Variants in MYH11 observed in about 807,000 individuals in gnomAD.
The protein encoded by MYH11 is myosin heavy chain 11, also known as myosin-11.
A neutral mutation model predicts 246.6 loss-of-function variants in MYH11; 80 were observed. The ratio of observed to expected loss-of-function variants is 0.32; its 90% CI spans 0.27 to 0.39. The LOEUF (loss-of-function observed/expected upper bound fraction) is 0.39, where lower values mean the gene tolerates loss of function less well. Among genes scored for constraint, MYH11 ranks in the 10% least tolerant of loss-of-function variants. MYH11 has a pLI of 1.00. For missense variants in MYH11, 2,158 were observed against 2,546.8 expected (o/e 0.85, Z 3.29); for synonymous variants, 1,071 against 1,015.5 (o/e 1.05, Z -1.04).
chr16:15,763,741 T>TGGGCCCCCCCCCCCCCCC, intron 10 of MYH11, 55 bp downstream of exon 10: 6 of 646,846 alleles, frequency 9.3e-6, no homozygotes, highest in Middle Eastern at 2.6e-4. Flanking sequence ...AAATGTCACC[T>TGGGCCCCCCCCCCCCCCC]CCCCCACCCC....
chr16:15,801,928 G>T (rs1380050079), intron 3 of MYH11, among the ~76,000 whole-genome samples: 1 of 152,140 alleles, frequency 6.6e-6, no homozygotes, highest in Non-Finnish European at 1.5e-5. Flanking sequence ...CTACACTCCA[G>T]CCTGGGCAAC....
At chr16:15,720,803 C>T (rs376916158) in intron 33 of MYH11, 36 bp downstream of exon 33, 95 of 1,603,676 alleles carry the variant, frequency 5.9e-5, no homozygotes, top group East Asian at 8.9e-5. Context: ...AAAGGCCACC[C>T]GACCTCCCTC....
chr16:15,778,720 G>A, intron 7 of MYH11, 60 bp downstream of exon 7: 1 of 1,528,536 alleles, frequency 6.5e-7, no homozygotes, highest in Non-Finnish European at 9.1e-7. Context: ...CCCAGCCTCT[G>A]GGCAGGAGAT....
intron 15 of MYH11, among the ~76,000 whole-genome samples, chr16:15,752,139 A>T (rs573070786): frequency 6.6e-6 from 1 of 151,978 alleles, no homozygotes; most frequent in East Asian, 2.0e-4. Context: ...CTCTCCCACA[A>T]GACTGTGGGT....
Position 15,718,455 on chromosome 16 carries a change from C to T in MYH11, c.5172-17G>A, listed in dbSNP as rs1466043456. On this transcript the variant is annotated splice_polypyrimidine_tract_variant and intron_variant, in intron 36 of 40. Coordinates refer to ENST00000300036, the MANE Select transcript of MYH11 (RefSeq NM_002474.3). ...AGTGCGTTCCTGGGGGAAGGGCGGC[C>T]ATGGTGGGGGCCTCTACCCTCCCCC... 1.3e-6 allele frequency: 2 copies of T among 1,546,422 alleles called. No homozygotes were observed. Among genetic ancestry groups the T allele is most frequent in the Non-Finnish European group, 1.7e-6 (2 of 1,149,636 alleles).
In MYH11 at chr16:15,718,457, TG is replaced by T; in HGVS notation, c.5172-20del. ...TGCGTTCCTGGGGGAAGGGCGGCCA[TG>T]GTGGGGGCCTCTACCCTCCCCCGCC... On this transcript the variant is annotated intron_variant, in intron 36 of 40. Transcript: ENST00000300036. 6.5e-7 allele frequency: 1 copy of T among 1,545,300 alleles called. No individual in the cohort carries two copies. Among genetic ancestry groups the T allele is most frequent in the Non-Finnish European group, 8.7e-7 (1 of 1,149,270 alleles).
chr16:15,815,742 A>G (rs1463674601), intron 3 of MYH11, among the ~76,000 whole-genome samples: 1 of 152,204 alleles, frequency 6.6e-6, no homozygotes, highest in Non-Finnish European at 1.5e-5. Context: ...GAATAGGGGT[A>G]CAAAGACAGT....
At chr16:15,833,702 C>A (rs1055882025) in intron 2 of MYH11, among the ~76,000 whole-genome samples, 4 of 152,154 alleles carry the variant, frequency 2.6e-5, no homozygotes, top group Admixed American at 6.5e-5. Context: ...CCTTGCAGAA[C>A]GGAGGAGAAA....
At chr16:15,723,833 G>A (rs2040607589) in intron 31 of MYH11, among the ~76,000 whole-genome samples, 1 of 152,126 alleles carries the variant, frequency 6.6e-6, no homozygotes, top group Non-Finnish European at 1.5e-5. Context: ...TACTCAATAG[G>A]TATTCAGTAA....
At chr16:15,839,837 G>A (rs1187274295) in intron 1 of MYH11, among the ~76,000 whole-genome samples, 2 of 152,180 alleles carry the variant, frequency 1.3e-5, no homozygotes, top group Admixed American at 6.5e-5. Flanking sequence ...GATCACTTGA[G>A]GTCAGGAGTT....
intron 2 of MYH11, among the ~76,000 whole-genome samples, chr16:15,829,066 C>T (rs1054434844): frequency 6.6e-6 from 1 of 151,856 alleles, no homozygotes; most frequent in Non-Finnish European, 1.5e-5. Context: ...TGCCTGTAAT[C>T]CCAGCTACTC....
chr16:15,842,762 C>CAAAAAA (rs757920488), intron 1 of MYH11, among the ~76,000 whole-genome samples: 2 of 19,674 alleles, frequency 1.0e-4, no homozygotes, highest in Non-Finnish European at 1.4e-4. Flanking sequence ...AGACTTCATC[C>CAAAAAA]AAAAAAAAAA....
At chr16:15,744,651 T>C (rs2041367374) in intron 20 of MYH11, among the ~76,000 whole-genome samples, 1 of 152,116 alleles carries the variant, frequency 6.6e-6, no homozygotes, top group Non-Finnish European at 1.5e-5. Flanking sequence ...TACAGGTGCC[T>C]GCCACCATAC....
At chr16:15,846,411 A>G (rs1447991495) in intron 1 of MYH11, among the ~76,000 whole-genome samples, 2 of 152,210 alleles carry the variant, frequency 1.3e-5, no homozygotes, top group Non-Finnish European at 2.9e-5. Context: ...GAATTAATCT[A>G]CGGTGATAGA....
chr16:15,736,604 G>GC (rs962469542), intron 25 of MYH11, among the ~76,000 whole-genome samples: 9 of 152,172 alleles, frequency 5.9e-5, no homozygotes, highest in Non-Finnish European at 1.2e-4. Context: ...GCAGGTTCCT[G>GC]CCCCAGAGAG....
chr16:15,803,017 G>C (rs2042922924), intron 3 of MYH11, among the ~76,000 whole-genome samples: 1 of 151,792 alleles, frequency 6.6e-6, no homozygotes. Context: ...GGCACCTGTA[G>C]TCCCAGCTAC....
intron 1 of MYH11, among the ~76,000 whole-genome samples, chr16:15,842,318 G>A (rs113439265): frequency 0.019 from 2,856 of 151,312 alleles, 22 homozygotes; most frequent in Non-Finnish European, 0.026. Flanking sequence ...CCCGGGAGGT[G>A]GAGGTTGCAG....
intron 24 of MYH11, 102 bp from the exon 25 acceptor site, chr16:15,737,722 C>T: frequency 8.0e-7 from 1 of 1,257,488 alleles, no homozygotes; most frequent in Non-Finnish European, 1.1e-6. Context: ...ATGAACACAT[C>T]CCCCAATCAG....
At chr16:15,841,334 C>T (rs889996933) in intron 1 of MYH11, among the ~76,000 whole-genome samples, 4 of 152,144 alleles carry the variant, frequency 2.6e-5, no homozygotes, top group African/African-American at 4.8e-5. Context: ...GACGGGGCTT[C>T]GCCAAGTTGG....
Sources: gnomAD v4.1 joint callset for allele counts (sites outside exome capture counted in the v4.1 genomes callset) on GRCh38, gnomAD v4.1.1 for gene constraint, MANE v1.5 for transcripts, NCBI Gene and HGNC (gene_info 2026-07-23, HGNC 2026-07-21) for gene names.